Variants in SHC4 observed in about 807,000 individuals in gnomAD.
The protein encoded by SHC4 is SHC-transforming protein 4.
SHC4 carries 41 observed loss-of-function variants against 69.4 expected under a neutral mutation model. That is an observed-to-expected ratio of 0.59 (90% confidence interval 0.46 to 0.77). SHC4 has a LOEUF of 0.77. Ranked by LOEUF, SHC4 falls within the 30% of genes least tolerant of loss-of-function variation. The probability of loss-of-function intolerance (pLI) is 0.00; values close to 1 mark genes in which losing one functional copy is unlikely to be tolerated. For missense variants in SHC4, 777 were observed against 783.8 expected (o/e 0.99, Z 0.10); for synonymous variants, 318 against 299.3 (o/e 1.06, Z -0.64).
chr15:48,885,263 C>A (rs1187051724), intron 3 of SHC4, among the ~76,000 whole-genome samples: 1 of 152,164 alleles, frequency 6.6e-6, no homozygotes, highest in East Asian at 1.9e-4. Flanking sequence ...GCAGAAATGC[C>A]ACTTACCAAC....
intron 4 of SHC4, among the ~76,000 whole-genome samples, chr15:48,880,342 G>T (rs1899916747): frequency 6.6e-6 from 1 of 152,172 alleles, no homozygotes; most frequent in Admixed American, 6.5e-5. Context: ...TAATCCTACT[G>T]CCTCTTCCAC....
intron 1 of SHC4, among the ~76,000 whole-genome samples, chr15:48,930,077 A>G (rs1376529949): frequency 6.6e-6 from 1 of 152,220 alleles, no homozygotes; most frequent in Non-Finnish European, 1.5e-5. Flanking sequence ...ACTCTCTTAC[A>G]GAATGATGAC....
At chr15:48,921,680 A>C (rs914381747) in intron 2 of SHC4, among the ~76,000 whole-genome samples, 2 of 152,214 alleles carry the variant, frequency 1.3e-5, no homozygotes, top group African/African-American at 4.8e-5. Flanking sequence ...ACAGTTTTTC[A>C]TCTTCGGGAA....
chr15:48,850,483 C>T (rs554069717), intron 9 of SHC4, among the ~76,000 whole-genome samples: 1 of 152,286 alleles, frequency 6.6e-6, no homozygotes, highest in Non-Finnish European at 1.5e-5. Context: ...GGTTATCCAT[C>T]TGTATTCTCC....
chr15:48,952,544 G>A (rs1362872908), intron 1 of SHC4, among the ~76,000 whole-genome samples: 1 of 151,936 alleles, frequency 6.6e-6, no homozygotes, highest in Non-Finnish European at 1.5e-5. Context: ...CCCAACAAAG[G>A]TCTAGTACTC....
intron 2 of SHC4, among the ~76,000 whole-genome samples, chr15:48,923,861 A>C (rs1367286106): frequency 1.3e-5 from 2 of 151,908 alleles, no homozygotes; most frequent in Non-Finnish European, 2.9e-5. Context: ...GGCTGGTCTC[A>C]AACTCTTGGC....
In SHC4 at chr15:48,963,334, G is replaced by T. The variant is rs1901579661; in HGVS notation, c.-319C>A. The T allele has an allele frequency of 6.4e-6, 2 of 312,126 alleles. No homozygotes were observed. The highest frequency in any genetic ancestry group is 5.9e-6 in the Non-Finnish European group (1 of 169,182). The allele number at this position is 312,126 out of a possible 1,614,324, so 19.3% of individuals were successfully genotyped here. ...GGTCGCTCACGGCCAACTCTTAGGC[G>T]CAGAACCCGGGCGAGCGCCGGTCGG... On this transcript the variant is annotated 5_prime_UTR_variant, in exon 1 of 12. Coordinates refer to ENST00000332408, the MANE Select transcript of SHC4 (RefSeq NM_203349.4).
intron 2 of SHC4, among the ~76,000 whole-genome samples, chr15:48,913,280 G>A (rs554875282): frequency 6.6e-6 from 1 of 152,140 alleles, no homozygotes; most frequent in East Asian, 1.9e-4. Context: ...TGGCTGCTGT[G>A]GGGGATGTGG....
chr15:48,891,748 T>A (rs1388264221), intron 2 of SHC4, among the ~76,000 whole-genome samples: 8 of 152,236 alleles, frequency 5.3e-5, no homozygotes, highest in African/African-American at 9.6e-5. Context: ...ATTATAGTTT[T>A]TATATATATT....
At chr15:48,939,421 T>C (rs1901134361) in intron 1 of SHC4, among the ~76,000 whole-genome samples, 1 of 152,080 alleles carries the variant, frequency 6.6e-6, no homozygotes, top group Non-Finnish European at 1.5e-5. Context: ...TAAGGGGTGG[T>C]CCAAAAATAC....
At chr15:48,947,386 A>G (rs1265885342) in intron 1 of SHC4, 1 of 152,216 alleles carries the variant, frequency 6.6e-6, no homozygotes, top group Non-Finnish European at 1.5e-5. Flanking sequence ...CACATTGCAG[A>G]CCAGCATGCA....
intron 3 of SHC4, among the ~76,000 whole-genome samples, chr15:48,889,031 T>C (rs1017036608): frequency 1.3e-5 from 2 of 152,152 alleles, no homozygotes; most frequent in Non-Finnish European, 1.5e-5. Flanking sequence ...ATGCCAGCTG[T>C]TGAAGGAAAC....
chr15:48,840,920 G>A (rs893630561), intron 10 of SHC4, among the ~76,000 whole-genome samples: 15 of 152,068 alleles, frequency 9.9e-5, no homozygotes, highest in Non-Finnish European at 2.9e-5. Context: ...AGGGAGAAAG[G>A]TGAGGAAAAA....
intron 4 of SHC4, among the ~76,000 whole-genome samples, chr15:48,873,281 G>A (rs1899724199): frequency 6.6e-6 from 1 of 152,220 alleles, no homozygotes; most frequent in African/African-American, 2.4e-5. Context: ...AGCACAGGAA[G>A]AAGGGGCAAA....
intron 1 of SHC4, among the ~76,000 whole-genome samples, chr15:48,952,296 C>T (rs1901377248): frequency 6.6e-6 from 1 of 152,158 alleles, no homozygotes; most frequent in Admixed American, 6.5e-5. Flanking sequence ...GGTTTTTCAA[C>T]TGGAATGTCA....
chr15:48,936,726 A>G (rs1255399993), intron 1 of SHC4, among the ~76,000 whole-genome samples: 2 of 152,184 alleles, frequency 1.3e-5, no homozygotes, highest in African/African-American at 4.8e-5. Context: ...AGACTAATAC[A>G]CTGGGAAATG....
At chr15:48,847,260 G>A (rs2087805670) in intron 9 of SHC4, among the ~76,000 whole-genome samples, 1 of 152,074 alleles carries the variant, frequency 6.6e-6, no homozygotes, top group African/African-American at 2.4e-5. Flanking sequence ...TATATACACA[G>A]TATATACACT....
At chr15:48,929,935 C>A (rs777999615) in intron 1 of SHC4, among the ~76,000 whole-genome samples, 2 of 152,192 alleles carry the variant, frequency 1.3e-5, no homozygotes, top group Admixed American at 1.3e-4. Flanking sequence ...TGAGCTTCAA[C>A]CACTTGCTCC....
rs565410655 is a variant in SHC4 at position 48,918,941 on chromosome 15, T to A, written c.656+5938A>T. Among the ~76,000 whole-genome samples, 10 of 152,314 alleles carry A rather than the reference T, an allele frequency of 6.6e-5. No homozygotes were observed. In the South Asian group the frequency reaches 2.1e-3, roughly 32 times the overall value. ...CTTCTGGGTCAGGGCTTCCCAGGTC[T>A]GCTGTCACACCCAAGTAGCTGCAAG... is the stretch of plus-strand genomic sequence containing the variant. On this transcript the variant is annotated intron_variant, in intron 2 of 11. Transcript: ENST00000332408.
Sources: allele counts gnomAD v4.1 joint callset (sites outside exome capture counted in the v4.1 genomes callset), GRCh38; gene constraint gnomAD v4.1.1; transcripts MANE v1.5; gene names NCBI Gene and HGNC (gene_info 2026-07-23, HGNC 2026-07-21).